LPIN2: variants seen among roughly 807,000 people sequenced by gnomAD.
LPIN2 encodes lipin 2.
In LPIN2, 55 loss-of-function variants were observed where a neutral mutation model predicts 111.4. The observed-to-expected ratio is 0.49, with a 90% confidence interval of 0.40 to 0.62. LPIN2 has a LOEUF of 0.62. Ranked by LOEUF, LPIN2 falls within the 20% of genes least tolerant of loss-of-function variation. The pLI is 0.00. For synonymous variants in LPIN2, 425 were observed against 414.0 expected, an observed-to-expected ratio of 1.03 and a Z score of -0.32; for missense variants, 992 against 1,112.1, an observed-to-expected ratio of 0.89 and a Z score of 1.54.
chr18:2,954,405 G>A, intron 3 of LPIN2, 99 bp downstream of exon 3: 1 of 815,392 alleles, frequency 1.2e-6, no homozygotes, highest in Non-Finnish European at 2.1e-6. Flanking sequence ...ACAGTCCTCT[G>A]TACAATCAAC....
At chr18:2,965,440 TA>T (rs2077782218) in intron 1 of LPIN2, among the ~76,000 whole-genome samples, 1 of 152,102 alleles carries the variant, frequency 6.6e-6, no homozygotes, top group South Asian at 2.1e-4. Flanking sequence ...GATTTATAAA[TA>T]AAATGGGCCA....
chr18:3,003,953 C>T (rs57916912), intron 1 of LPIN2, among the ~76,000 whole-genome samples: 194 of 152,196 alleles, frequency 1.3e-3, no homozygotes, highest in African/African-American at 4.2e-3. Flanking sequence ...TAATTGATAC[C>T]GTGTGGAAGG....
At chr18:2,931,466 A>C (rs1568526745) in intron 8 of LPIN2, 23 bp from the exon 9 acceptor site, 1 of 1,555,946 alleles carries the variant, frequency 6.4e-7, no homozygotes, top group South Asian at 1.2e-5. Context: ...GATGGGGAAA[A>C]GATGTGCTTT....
intron 7 of LPIN2, among the ~76,000 whole-genome samples, chr18:2,935,275 C>T (rs2077270520): frequency 6.6e-6 from 1 of 152,110 alleles, no homozygotes; most frequent in East Asian, 1.9e-4. Flanking sequence ...TATTTTACTT[C>T]CTTAAAAGTG....
Position 2,984,623 on chromosome 18 carries a change from T to C in LPIN2, c.-9-23774A>G, listed in dbSNP as rs78868863. Reference sequence around the variant, plus strand: ...TTAGAGGGGCAGAGGAAATAAAATGTAGAAGAGATGAGAAAATATTCAACT... The same window carrying C: ...TTAGAGGGGCAGAGGAAATAAAATGCAGAAGAGATGAGAAAATATTCAACT... On this transcript the variant is annotated intron_variant, in intron 1 of 19. Transcript: ENST00000677752. Among the ~76,000 whole-genome samples, 1,326 of 151,880 alleles carry C rather than the reference T, an allele frequency of 8.7e-3. 9 individuals carry two copies. Among genetic ancestry groups the C allele is most frequent in the African/African-American group, 0.026 (1,093 of 41,376 alleles).
At chr18:2,990,390 A>G (rs982678645) in intron 1 of LPIN2, among the ~76,000 whole-genome samples, 10 of 152,202 alleles carry the variant, frequency 6.6e-5, no homozygotes, top group African/African-American at 2.2e-4. Context: ...ATATTTGCAA[A>G]TTGGGGAGTT....
rs867278336 is a variant in LPIN2 at position 2,993,878 on chromosome 18, G to A, written c.-10+19209C>T. Among the ~76,000 whole-genome samples, 4 of 152,146 alleles carry A rather than the reference G, an allele frequency of 2.6e-5. No individual in the cohort carries two copies. In the South Asian group the frequency reaches 8.3e-4, roughly 32 times the overall value. On this transcript the variant is annotated intron_variant, in intron 1 of 19. Coordinates refer to ENST00000677752, the MANE Select transcript of LPIN2 (RefSeq NM_001375808.2). ...CAAACCAGCAGCATACATGTATACC[G>A]ACACAACCATACACAGATTTGTGCT...
At chr18:3,012,432 G>A (rs1305760261) in intron 1 of LPIN2, among the ~76,000 whole-genome samples, 2 of 152,244 alleles carry the variant, frequency 1.3e-5, no homozygotes, top group Admixed American at 6.5e-5. Context: ...AGTGGACAGA[G>A]AGGCTCTCAG....
At chr18:2,945,756 A>G in intron 4 of LPIN2, 2 of 1,195,394 alleles carry the variant, frequency 1.7e-6, no homozygotes, top group South Asian at 2.4e-5. Flanking sequence ...CGCATCTAAC[A>G]ATGTGCTATT....
At chr18:3,000,709 C>T (rs1376821371) in intron 1 of LPIN2, among the ~76,000 whole-genome samples, 3 of 152,076 alleles carry the variant, frequency 2.0e-5, no homozygotes, top group Non-Finnish European at 2.9e-5. Context: ...CTCTGGCCTG[C>T]GGAGACTCTG....
At chr18:2,989,492 TTCAAGGCAATCCCTA>T (rs754367550) in intron 1 of LPIN2, among the ~76,000 whole-genome samples, 2 of 152,194 alleles carry the variant, frequency 1.3e-5, no homozygotes, top group Non-Finnish European at 1.5e-5. Context: ...GATCTTCAAA[TTCAAGGCAATCCCTA>T]TCAAAATTCC....
At chr18:2,993,990 G>C (rs894109109) in intron 1 of LPIN2, among the ~76,000 whole-genome samples, 1 of 152,170 alleles carries the variant, frequency 6.6e-6, no homozygotes, top group African/African-American at 2.4e-5. Context: ...CTATTTGAAA[G>C]ATGAGAGCAT....
At chr18:2,946,634 G>T in intron 4 of LPIN2, 1 of 675,284 alleles carries the variant, frequency 1.5e-6, no homozygotes, top group Non-Finnish European at 2.7e-6. Context: ...CCATACCTCA[G>T]TTTTTTAAAG....
intron 4 of LPIN2, among the ~76,000 whole-genome samples, chr18:2,942,439 G>A (rs613039): frequency 0.53 from 79,990 of 152,100 alleles, 22,022 homozygotes; most frequent in Non-Finnish European, 0.61. Context: ...AAAGTGGTCT[G>A]AAAAGAACAA....
intron 1 of LPIN2, among the ~76,000 whole-genome samples, chr18:2,964,145 T>C (rs2077752817): frequency 6.6e-6 from 1 of 151,126 alleles, no homozygotes. Context: ...TAGCCGGGCG[T>C]GATGGCGTGC....
intron 2 of LPIN2, among the ~76,000 whole-genome samples, chr18:2,960,436 T>A (rs1490651796): frequency 6.6e-6 from 1 of 152,048 alleles, no homozygotes; most frequent in Non-Finnish European, 1.5e-5. Context: ...GCAGTCGAGC[T>A]TTGTGGTTTT....
At chr18:2,934,482 T>C in intron 7 of LPIN2, 32 bp from the exon 8 acceptor site, 1 of 1,385,492 alleles carries the variant, frequency 7.2e-7, no homozygotes, top group Non-Finnish European at 1.0e-6. Context: ...GGTAAGAATT[T>C]AGTTATTCTT....
intron 4 of LPIN2, among the ~76,000 whole-genome samples, chr18:2,944,509 G>A (rs761237065): frequency 1.3e-4 from 19 of 151,450 alleles, no homozygotes; most frequent in Non-Finnish European, 2.4e-4. Context: ...CCACCACTAC[G>A]CCCAGCTAAT....
chr18:2,946,103 C>T (rs769225596), intron 4 of LPIN2: 9 of 1,562,930 alleles, frequency 5.8e-6, no homozygotes, highest in South Asian at 1.1e-5. Context: ...TCATCATTGT[C>T]TTCTTTTCTT....
Sources: allele counts gnomAD v4.1 joint callset (sites outside exome capture counted in the v4.1 genomes callset), GRCh38; gene constraint gnomAD v4.1.1; transcripts MANE v1.5; gene names NCBI Gene and HGNC (gene_info 2026-07-23, HGNC 2026-07-21).